ABR: variants seen among roughly 807,000 people sequenced by gnomAD.
ABR encodes ABR activator of RhoGEF and GTPase.
ABR carries 35 observed loss-of-function variants against 107.2 expected under a neutral mutation model. The observed-to-expected ratio is 0.33, with a 90% CI of 0.25 to 0.43. The LOEUF is 0.43. ABR is among the 20% of genes least tolerant of loss of function. The pLI is 1.00. For missense variants in ABR, 815 were observed against 1,115.2 expected (o/e 0.73, Z 3.83); for synonymous variants, 498 against 462.0 (o/e 1.08, Z -1.00).
intron 2 of ABR, 82 bp from the exon 3 acceptor site, chr17:1,100,817 C>T: frequency 7.7e-7 from 1 of 1,291,938 alleles, no homozygotes; most frequent in Non-Finnish European, 1.1e-6. Context: ...CCCTGCCCTT[C>T]CCCCCCGACC....
chr17:1,184,626 T>C (rs1452104566), upstream of ABR, among the ~76,000 whole-genome samples: 6 of 151,436 alleles, frequency 4.0e-5, no homozygotes, highest in East Asian at 3.9e-4. Context: ...ATAATGCACA[T>C]TGAACAAATA....
chr17:1,121,795 G>A (rs536094146), intron 2 of ABR, among the ~76,000 whole-genome samples: 7 of 152,184 alleles, frequency 4.6e-5, no homozygotes, highest in Non-Finnish European at 7.4e-5. Flanking sequence ...CTCACAGTGG[G>A]GCCTCCTCCC....
intron 10 of ABR, among the ~76,000 whole-genome samples, chr17:1,061,418 C>A (rs2033909715): frequency 6.6e-6 from 1 of 152,228 alleles, no homozygotes; most frequent in South Asian, 2.1e-4. Context: ...CATCCCCCAG[C>A]CCTGAACACT....
In ABR at chr17:1,222,056, C is replaced by T. The variant is rs552941578; in HGVS notation, c.838+6737G>A. ...CATCGAGGAAGAGTAACGATAACAG[C>T]ACCATGGAGGATCCCATCTTTTTTT... is the stretch of plus-strand genomic sequence containing the variant. On this transcript the variant is annotated intron_variant, in intron 1 of 22. Transcript: ENST00000574139. Among the ~76,000 whole-genome samples the T allele has an allele frequency of 2.3e-3, 315 of 135,220 alleles. 8 individuals are homozygous for T. Among genetic ancestry groups the T allele is most frequent in the African/African-American group, 8.0e-3 (294 of 36,862 alleles). The allele number at this position is 135,220 out of a possible 152,430, so 88.7% of individuals were successfully genotyped here.
intron 5 of ABR, among the ~76,000 whole-genome samples, chr17:1,079,823 A>G (rs993164164): frequency 6.1e-5 from 8 of 131,504 alleles, no homozygotes; most frequent in Non-Finnish European, 1.3e-4. Context: ...AAAAAAAAAA[A>G]AAAAGAAAGA....
chr17:1,078,501 C>T lies in ABR; in HGVS notation c.700+829G>A, dbSNP rs896022604. On this transcript the variant is annotated intron_variant, in intron 6 of 22. Coordinates refer to ENST00000302538, the MANE Select transcript of ABR (RefSeq NM_021962.5). The surrounding 1 kb of genome is among the most constrained non-coding windows in gnomAD (Gnocchi z 7.5). ...GGCTACTACGTCTGCGGGCACAGCTCGTCGCCGTCTCTCCCTAACAGCCCC... is the reference window on the plus strand; with the variant it reads ...GGCTACTACGTCTGCGGGCACAGCTTGTCGCCGTCTCTCCCTAACAGCCCC... Among the ~76,000 whole-genome samples the T allele has an allele frequency of 5.9e-5, 9 of 152,086 alleles. No individual in the cohort carries two copies. Among genetic ancestry groups the T allele is most frequent in the Admixed American group, 3.9e-4 (6 of 15,276 alleles).
At chr17:1,074,476 C>T (rs536624453) in intron 6 of ABR, among the ~76,000 whole-genome samples, 1 of 152,360 alleles carries the variant, frequency 6.6e-6, no homozygotes, top group African/African-American at 2.4e-5. Flanking sequence ...ACATGCAGGA[C>T]CCCAGAATGG....
At position 1,011,041 on chromosome 17, in the gene ABR, G is replaced by T; in HGVS notation, c.2102-178C>A. 1 of 757,782 alleles carries T rather than the reference G, an allele frequency of 1.3e-6. No homozygotes were observed. Among genetic ancestry groups the T allele is most frequent in the Non-Finnish European group, 2.1e-6 (1 of 475,676 alleles). 46.9% of individuals were successfully genotyped at this position (757,782 alleles called of 1,614,324 possible). A position where few individuals can be genotyped will look rare whatever the true frequency, so the allele number is the denominator to read the frequency against. ...GACTCGGCTCTGTGGGTCGGGGTTGGGGGAACAGGGAGAGATAGCCTGGGG... is the reference window on the plus strand; with the variant it reads ...GACTCGGCTCTGTGGGTCGGGGTTGTGGGAACAGGGAGAGATAGCCTGGGG... On this transcript the variant is annotated intron_variant, in intron 19 of 22. Transcript: ENST00000302538. The surrounding 1 kb of genome is among the most constrained non-coding windows in gnomAD (Gnocchi z 4.8).
At chr17:1,016,667 G>A (rs537173903) in intron 16 of ABR, among the ~76,000 whole-genome samples, 5 of 152,082 alleles carry the variant, frequency 3.3e-5, no homozygotes, top group Admixed American at 6.5e-5. Flanking sequence ...GGAGGTCTGC[G>A]CACCCCGGGC....
At chr17:1,090,545 G>A (rs1367300005) in intron 4 of ABR, among the ~76,000 whole-genome samples, 3 of 152,214 alleles carry the variant, frequency 2.0e-5, no homozygotes, top group South Asian at 2.1e-4. Flanking sequence ...GGGGGAGGGG[G>A]TGCAGCCAGA....
At chr17:1,158,265 A>AT (rs1328837520) in intron 1 of ABR, among the ~76,000 whole-genome samples, 3 of 151,416 alleles carry the variant, frequency 2.0e-5, no homozygotes, top group Non-Finnish European at 2.9e-5. Context: ...GTATTTATTT[A>AT]TTTTTTTTAA....
intron 20 of ABR, 48 bp from the exon 21 acceptor site, chr17:1,009,832 G>A (rs751179411): frequency 3.1e-5 from 47 of 1,519,386 alleles, no homozygotes; most frequent in Admixed American, 1.5e-4. Flanking sequence ...GGGGCTCCCC[G>A]CCAGGGCCCC....
intron 12 of ABR, 148 bp from the exon 13 acceptor site, chr17:1,057,250 C>T (rs1195196814): frequency 3.6e-6 from 2 of 561,658 alleles, no homozygotes; most frequent in Admixed American, 2.8e-5. Context: ...GTGGACACAG[C>T]AGGACTGGTG....
At chr17:1,127,303 C>T (rs973012154) in intron 1 of ABR, among the ~76,000 whole-genome samples, 8 of 152,008 alleles carry the variant, frequency 5.3e-5, no homozygotes, top group Non-Finnish European at 1.0e-4. Context: ...CACTGAGACG[C>T]GTGTACGCCA....
chr17:1,137,204 C>T (rs1468717335), intron 1 of ABR, among the ~76,000 whole-genome samples: 1 of 152,064 alleles, frequency 6.6e-6, no homozygotes, highest in South Asian at 2.1e-4. Flanking sequence ...CCACCACGCC[C>T]GGCTAATTTC....
chr17:1,098,234 G>C (rs1251505975), intron 3 of ABR, among the ~76,000 whole-genome samples: 1 of 151,882 alleles, frequency 6.6e-6, no homozygotes, highest in African/African-American at 2.4e-5. Context: ...CACCACGCCC[G>C]GCTAATTTTT....
At chr17:1,061,306 G>A (rs1567676948) in intron 10 of ABR, among the ~76,000 whole-genome samples, 1 of 152,192 alleles carries the variant, frequency 6.6e-6, no homozygotes, top group Non-Finnish European at 1.5e-5. Flanking sequence ...GCTCCTGGGC[G>A]GGCACTGTGG....
At chr17:1,100,553 C>T in intron 3 of ABR, 84 bp downstream of exon 3, 2 of 1,344,446 alleles carry the variant, frequency 1.5e-6, no homozygotes, top group South Asian at 1.2e-5. Flanking sequence ...CTTTCCTCTC[C>T]AACTCCAAAA....
chr17:1,141,633 C>G (rs889995989), intron 1 of ABR, among the ~76,000 whole-genome samples: 80 of 152,188 alleles, frequency 5.3e-4, no homozygotes, highest in African/African-American at 1.7e-3. Flanking sequence ...CCTCCCAGCC[C>G]TTAAAAAACA....
Sources: gnomAD v4.1 joint callset for allele counts (sites outside exome capture counted in the v4.1 genomes callset) on GRCh38, gnomAD v4.1.1 for gene constraint, Gnocchi (gnomAD v3.1) non-coding constraint, MANE v1.5 for transcripts, NCBI Gene and HGNC (gene_info 2026-07-23, HGNC 2026-07-21) for gene names.